STPG2: variants seen among roughly 807,000 people sequenced by gnomAD.
STPG2 encodes sperm tail PG-rich repeat containing 2, also known as sperm-tail PG-rich repeat-containing protein 2.
Under a neutral mutation model 54.2 loss-of-function variants are expected in STPG2, and 56 were observed. That is an observed-to-expected ratio of 1.03 (90% CI 0.83 to 1.29). STPG2 has a LOEUF of 1.29. Ranked by LOEUF, STPG2 falls within the 50% of genes most tolerant of loss-of-function variation. The pLI is 0.00. For synonymous variants in STPG2, 200 were observed against 181.8 expected, an observed-to-expected ratio of 1.10 and a Z score of -0.81; for missense variants, 596 against 544.9, an observed-to-expected ratio of 1.09 and a Z score of -0.93.
chr4:97,723,611 C>A (rs562845289), intron 9 of STPG2, among the ~76,000 whole-genome samples: 1 of 152,178 alleles, frequency 6.6e-6, no homozygotes, highest in South Asian at 2.1e-4. Context: ...ATCTTATTTT[C>A]TCTGGTAAAT....
chr4:97,733,706 C>A (rs543688405), intron 9 of STPG2, among the ~76,000 whole-genome samples: 42 of 152,256 alleles, frequency 2.8e-4, no homozygotes, highest in Non-Finnish European at 5.0e-4. Context: ...TTCCCTAGAA[C>A]TTATTCAGGG....
chr4:97,539,387 G>A (rs1731632885), intron 4 of STPG2, among the ~76,000 whole-genome samples: 2 of 152,020 alleles, frequency 1.3e-5, no homozygotes, highest in Non-Finnish European at 2.9e-5. Context: ...GGCAGGGGTT[G>A]GAATCCTAGT....
rs139231051 is a variant in STPG2, at chr4:97,842,900, A to C, written c.1045-1968T>G. Among the ~76,000 whole-genome samples, 303 of 151,946 alleles carry C rather than the reference A, an allele frequency of 2.0e-3. 1 individual carries two copies. The highest frequency in any genetic ancestry group is 6.9e-3 in the African/African-American group (288 of 41,500). On this transcript the variant is annotated intron_variant, in intron 8 of 10. Transcript: ENST00000295268. ...TTCCCTCCTCTTCCTACTCATCTTA[A>C]ATTCTAATTTTATCTGACCAAGAGA...
At chr4:97,926,392 G>A (rs2149214714) in intron 8 of STPG2, among the ~76,000 whole-genome samples, 1 of 152,078 alleles carries the variant, frequency 6.6e-6, no homozygotes, top group East Asian at 1.9e-4. Flanking sequence ...CATCCAAGAA[G>A]GGCTCTCTCT....
intron 10 of STPG2, among the ~76,000 whole-genome samples, chr4:97,622,406 T>C (rs528453226): frequency 6.6e-6 from 1 of 151,978 alleles, no homozygotes; most frequent in African/African-American, 2.4e-5. Context: ...AGTTTCTTGA[T>C]TAGATAAACA....
At chr4:97,721,208 A>G (rs978322042) in intron 9 of STPG2, among the ~76,000 whole-genome samples, 2 of 152,126 alleles carry the variant, frequency 1.3e-5, no homozygotes, top group East Asian at 3.8e-4. Flanking sequence ...GAATTGCTCA[A>G]AAAGAACAGT....
intron 10 of STPG2, among the ~76,000 whole-genome samples, chr4:97,690,865 C>T (rs926871054): frequency 1.3e-5 from 2 of 152,132 alleles, no homozygotes; most frequent in Non-Finnish European, 2.9e-5. Flanking sequence ...TGTTGCCATA[C>T]CCACTGTTCT....
At chr4:98,048,262 G>A (rs573519905) in intron 5 of STPG2, among the ~76,000 whole-genome samples, 17 of 152,064 alleles carry the variant, frequency 1.1e-4, no homozygotes, top group African/African-American at 4.1e-4. Context: ...AGATAAAATA[G>A]GAAAAAGAAT....
At chr4:97,995,485 T>C (rs1003034762) in intron 5 of STPG2, among the ~76,000 whole-genome samples, 1 of 151,812 alleles carries the variant, frequency 6.6e-6, no homozygotes, top group African/African-American at 2.4e-5. Context: ...TTTTGGGTTG[T>C]CTTTTTTAAG....
intron 8 of STPG2, among the ~76,000 whole-genome samples, chr4:97,938,286 C>T (rs568852616): frequency 6.6e-6 from 1 of 152,342 alleles, no homozygotes; most frequent in East Asian, 1.9e-4. Context: ...TGGCTGCTGC[C>T]CAGCACCCCC....
chr4:97,714,899 T>C (rs1409556760), intron 9 of STPG2, among the ~76,000 whole-genome samples: 1 of 152,166 alleles, frequency 6.6e-6, no homozygotes, highest in Non-Finnish European at 1.5e-5. Context: ...TTTTCAATTA[T>C]GAAGAAATAT....
intron 5 of STPG2, among the ~76,000 whole-genome samples, chr4:98,084,519 T>C (rs1738448491): frequency 6.6e-6 from 1 of 152,238 alleles, no homozygotes; most frequent in African/African-American, 2.4e-5. Context: ...ATTTTAACTT[T>C]CTAAGAAACT....
chr4:98,058,372 C>T (rs570340663), intron 5 of STPG2, among the ~76,000 whole-genome samples: 1 of 152,198 alleles, frequency 6.6e-6, no homozygotes, highest in East Asian at 1.9e-4. Flanking sequence ...GAAAATCTAC[C>T]AAACAAATGG....
intron 5 of STPG2, among the ~76,000 whole-genome samples, chr4:98,073,555 A>G (rs1807253): frequency 0.4 from 59,968 of 151,718 alleles, 12,060 homozygotes; most frequent in Middle Eastern, 0.46. Context: ...AGGAAACTTC[A>G]TCTCTACTAA....
intron 1 of STPG2, among the ~76,000 whole-genome samples, chr4:98,137,725 C>T (rs1740173589): frequency 6.7e-6 from 1 of 150,046 alleles, no homozygotes; most frequent in Admixed American, 6.6e-5. Flanking sequence ...TACTGAAATT[C>T]ATATAAAAGT....
At chr4:97,923,140 G>A (rs917540722) in intron 8 of STPG2, among the ~76,000 whole-genome samples, 2 of 152,256 alleles carry the variant, frequency 1.3e-5, no homozygotes, top group East Asian at 1.9e-4. Context: ...CGGCCTGGGC[G>A]CCCACTCTGG....
At chr4:97,725,424 A>G (rs1724590255) in intron 9 of STPG2, among the ~76,000 whole-genome samples, 1 of 152,048 alleles carries the variant, frequency 6.6e-6, no homozygotes, top group African/African-American at 2.4e-5. Context: ...CCTGAAGAAA[A>G]AAAAATAGTT....
chr4:97,978,134 G>T (rs554841757), intron 6 of STPG2, among the ~76,000 whole-genome samples: 3 of 152,160 alleles, frequency 2.0e-5, no homozygotes, highest in Non-Finnish European at 2.9e-5. Context: ...CAGTTTTCTG[G>T]AACTACCATT....
chr4:97,562,426 C>A (rs903244853), intron 10 of STPG2, among the ~76,000 whole-genome samples: 1 of 152,042 alleles, frequency 6.6e-6, no homozygotes, highest in Non-Finnish European at 1.5e-5. Context: ...AATTGAATAC[C>A]CTTTATTTCC....
Sources: allele counts gnomAD v4.1 joint callset (sites outside exome capture counted in the v4.1 genomes callset), GRCh38; gene constraint gnomAD v4.1.1; transcripts MANE v1.5; gene names NCBI Gene and HGNC (gene_info 2026-07-23, HGNC 2026-07-21).